Variants in ANO2 observed in about 807,000 individuals in gnomAD.
ANO2 encodes the protein anoctamin-2.
In ANO2, 101 loss-of-function variants were observed where a neutral mutation model predicts 124.2. That is an observed-to-expected ratio of 0.81 (90% CI 0.69 to 0.96). ANO2 has a LOEUF of 0.96. Ranked by LOEUF, ANO2 falls within the 40% of genes least tolerant of loss-of-function variation. The pLI, the probability that ANO2 is intolerant of heterozygous loss-of-function variation, is 0.00. For missense variants in ANO2, 1,293 were observed against 1,274.5 expected (o/e 1.01, Z -0.22); for synonymous variants, 486 against 482.5 (o/e 1.01, Z -0.09).
At chr12:5,712,073 A>G (rs142036555) in intron 14 of ANO2, among the ~76,000 whole-genome samples, 1 of 152,338 alleles carries the variant, frequency 6.6e-6, no homozygotes, top group African/African-American at 2.4e-5. Flanking sequence ...GCTAGAAGCC[A>G]AAGAAACAAG....
At chr12:5,786,426 G>A (rs1489146282) in intron 10 of ANO2, among the ~76,000 whole-genome samples, 2 of 152,038 alleles carry the variant, frequency 1.3e-5, no homozygotes, top group Non-Finnish European at 2.9e-5. Context: ...CACATTAAAG[G>A]CCCTTCATTT....
chr12:5,700,116 C>T (rs1445708500), intron 14 of ANO2, among the ~76,000 whole-genome samples: 1 of 152,206 alleles, frequency 6.6e-6, no homozygotes, highest in Non-Finnish European at 1.5e-5. Flanking sequence ...GAACTCTCCA[C>T]CCCAAATCAA....
intron 11 of ANO2, among the ~76,000 whole-genome samples, chr12:5,749,110 G>C (rs1187688225): frequency 6.6e-6 from 1 of 152,176 alleles, no homozygotes; most frequent in Non-Finnish European, 1.5e-5. Context: ...CATTTCTATA[G>C]AGTATGCACC....
At chr12:5,612,866 G>C (rs752212447) in intron 18 of ANO2, 35 bp downstream of exon 18, 1 of 1,613,084 alleles carries the variant, frequency 6.2e-7, no homozygotes, top group Non-Finnish European at 8.5e-7. Flanking sequence ...GCTGGGTTGG[G>C]GTGCCAGGCA....
intron 23 of ANO2, among the ~76,000 whole-genome samples, chr12:5,571,728 AC>A (rs756337860): frequency 6.6e-6 from 1 of 152,022 alleles, no homozygotes; most frequent in Non-Finnish European, 1.5e-5. Context: ...TCTTCCATGT[AC>A]ACATATATGT....
At position 5,945,249 on chromosome 12, in the gene ANO2, C is replaced by T. The variant is rs1943057475; in HGVS notation, c.-32G>A. On this transcript the variant is annotated 5_prime_UTR_variant, in exon 1 of 25. Transcript: ENST00000682330. ...GACGCAGACCCCGCCGGCCCGCGGCCGCGCGCTTCTGGGCAGGCTTATGCC... is the reference window on the plus strand; with the variant it reads ...GACGCAGACCCCGCCGGCCCGCGGCTGCGCGCTTCTGGGCAGGCTTATGCC... The T allele has an allele frequency of 1.6e-6, 2 of 1,284,560 alleles. No homozygotes were observed. Among genetic ancestry groups the T allele is most frequent in the Non-Finnish European group, 2.0e-6 (2 of 986,062 alleles). 79.6% of individuals were successfully genotyped at this position (1,284,560 alleles called of 1,614,324 possible).
At chr12:5,689,795 T>C (rs1462923020) in intron 14 of ANO2, among the ~76,000 whole-genome samples, 1 of 152,182 alleles carries the variant, frequency 6.6e-6, no homozygotes, top group Non-Finnish European at 1.5e-5. Flanking sequence ...TGTGGCCTTA[T>C]TGAGTCCCCA....
chr12:5,714,871 G>A (rs1465726644), intron 14 of ANO2, among the ~76,000 whole-genome samples: 1 of 152,132 alleles, frequency 6.6e-6, no homozygotes, highest in East Asian at 1.9e-4. Context: ...CAAATTCAAA[G>A]AGCCCTATCA....
intron 16 of ANO2, among the ~76,000 whole-genome samples, chr12:5,632,591 G>T (rs1044564848): frequency 1.3e-5 from 2 of 152,036 alleles, no homozygotes; most frequent in African/African-American, 4.8e-5. Context: ...GGCAAGGAGG[G>T]TGTGCCAGTA....
At chr12:5,698,011 T>G (rs61908146) in intron 14 of ANO2, among the ~76,000 whole-genome samples, 18,169 of 152,276 alleles carry the variant, frequency 0.12, 1,191 homozygotes, top group East Asian at 0.21. Flanking sequence ...CCTGCCTCTG[T>G]AGACTCCACC....
chr12:5,598,803 G>C (rs953753083), intron 20 of ANO2, among the ~76,000 whole-genome samples: 3 of 152,144 alleles, frequency 2.0e-5, no homozygotes, highest in Admixed American at 2.0e-4. Context: ...GCCTAAGTTG[G>C]GACCCTTCTC....
At chr12:5,797,805 G>A (rs940838925) in intron 10 of ANO2, among the ~76,000 whole-genome samples, 2 of 152,174 alleles carry the variant, frequency 1.3e-5, no homozygotes, top group South Asian at 2.1e-4. Flanking sequence ...GTGAGGAGCT[G>A]TAGACAGCCT....
rs1474052435 is a variant in ANO2, at chr12:5,925,251, G to A, written c.23-2447C>T. Among the ~76,000 whole-genome samples the A allele has an allele frequency of 6.6e-5, 10 of 152,202 alleles. No individual in the cohort carries two copies. Among genetic ancestry groups the A allele is most frequent in the Non-Finnish European group, 1.2e-4 (8 of 68,040 alleles). On this transcript the variant is annotated intron_variant, in intron 1 of 24. Coordinates refer to ENST00000682330, the MANE Select transcript of ANO2 (RefSeq NM_001364791.2). The surrounding 1 kb of genome is among the most constrained non-coding windows in gnomAD (Gnocchi z 4.6). ...AGAGTAGCTCAGATTCAAGGGCAAT[G>A]CAAAGCTTTGGTCCAGCTGCTGTCC...
At chr12:5,641,027 T>C (rs1339098044) in intron 15 of ANO2, among the ~76,000 whole-genome samples, 1 of 152,128 alleles carries the variant, frequency 6.6e-6, no homozygotes, top group Admixed American at 6.5e-5. Flanking sequence ...ATATACACCA[T>C]GGAATACTAT....
At chr12:5,789,878 T>C (rs1287790832) in intron 10 of ANO2, among the ~76,000 whole-genome samples, 1 of 152,248 alleles carries the variant, frequency 6.6e-6, no homozygotes, top group Non-Finnish European at 1.5e-5. Context: ...TAAGACGTTT[T>C]CTGTTTATGT....
At chr12:5,836,229 C>T (rs768686574) in intron 4 of ANO2, among the ~76,000 whole-genome samples, 1 of 152,158 alleles carries the variant, frequency 6.6e-6, no homozygotes, top group African/African-American at 2.4e-5. Flanking sequence ...AATAAAAATA[C>T]AAGATGTCAA....
At chr12:5,747,246 C>A (rs1166954578) in intron 11 of ANO2, among the ~76,000 whole-genome samples, 1 of 152,172 alleles carries the variant, frequency 6.6e-6, no homozygotes, top group South Asian at 2.1e-4. Context: ...GGCTTGATGA[C>A]AAAATTAGCA....
chr12:5,776,212 G>A (rs1378687560), intron 10 of ANO2, among the ~76,000 whole-genome samples: 1 of 152,124 alleles, frequency 6.6e-6, no homozygotes, highest in Non-Finnish European at 1.5e-5. Flanking sequence ...CTGACTTTGT[G>A]CACACCCTAT....
intron 13 of ANO2, 37 bp downstream of exon 13, chr12:5,739,280 C>T (rs944246184): frequency 6.5e-7 from 1 of 1,529,504 alleles, no homozygotes; most frequent in African/African-American, 1.4e-5. Context: ...AAGCAAAAGC[C>T]CACAGAAGTA....
Sources: gnomAD v4.1 joint callset for allele counts (sites outside exome capture counted in the v4.1 genomes callset) on GRCh38, gnomAD v4.1.1 for gene constraint, Gnocchi (gnomAD v3.1) non-coding constraint, MANE v1.5 for transcripts, NCBI Gene and HGNC (gene_info 2026-07-23, HGNC 2026-07-21) for gene names.